ADAM18: variants seen among roughly 807,000 people sequenced by gnomAD.
The protein encoded by ADAM18 is ADAM metallopeptidase domain 18, also known as disintegrin and metalloproteinase domain-containing protein 18.
Under a neutral mutation model 94.4 loss-of-function variants are expected in ADAM18, and 117 were observed. That is an observed-to-expected ratio of 1.24 (90% CI 1.07 to 1.45). The LOEUF is 1.45. ADAM18 is among the 40% of genes most tolerant of loss of function. The probability of loss-of-function intolerance (pLI) is 0.00; values close to 1 mark genes in which losing one functional copy is unlikely to be tolerated. For missense variants in ADAM18, 936 were observed against 880.0 expected, an observed-to-expected ratio of 1.06 and a Z score of -0.81; for synonymous variants, 327 against 291.6, an observed-to-expected ratio of 1.12 and a Z score of -1.24.
chr8:39,636,020 T>G (rs937717736), intron 7 of ADAM18, among the ~76,000 whole-genome samples: 1 of 150,412 alleles, frequency 6.6e-6, no homozygotes, highest in Non-Finnish European at 1.5e-5. Flanking sequence ...TTTTTTTTTT[T>G]TTGAGAGAGA....
intron 7 of ADAM18, among the ~76,000 whole-genome samples, chr8:39,630,867 T>A (rs1193782796): frequency 6.6e-6 from 1 of 151,988 alleles, no homozygotes; most frequent in Non-Finnish European, 1.5e-5. Flanking sequence ...GGTCCAGGAA[T>A]TCTGTATCAT....
intron 16 of ADAM18, among the ~76,000 whole-genome samples, chr8:39,689,098 G>C (rs1821695214): frequency 6.6e-6 from 1 of 151,656 alleles, no homozygotes; most frequent in Non-Finnish European, 1.5e-5. Context: ...TATAGATGCT[G>C]GGTATTATAC....
intron 12 of ADAM18, among the ~76,000 whole-genome samples, chr8:39,651,773 C>A (rs1355310243): frequency 6.6e-6 from 1 of 152,130 alleles, no homozygotes; most frequent in East Asian, 1.9e-4. Flanking sequence ...TTATAAGAAA[C>A]CACATAAGAC....
intron 19 of ADAM18, among the ~76,000 whole-genome samples, chr8:39,726,034 A>G (rs1246646305): frequency 6.6e-6 from 1 of 152,002 alleles, no homozygotes; most frequent in African/African-American, 2.4e-5. Flanking sequence ...CCTTTTTTCA[A>G]TAACAACTAT....
At chr8:39,646,678 A>G (rs909998712) in intron 11 of ADAM18, among the ~76,000 whole-genome samples, 8 of 152,190 alleles carry the variant, frequency 5.3e-5, no homozygotes, top group Non-Finnish European at 2.9e-5. Context: ...TATCACATAC[A>G]GTATATTTGA....
chr8:39,688,652 A>T (rs1372531083), intron 16 of ADAM18, among the ~76,000 whole-genome samples: 1 of 152,132 alleles, frequency 6.6e-6, no homozygotes, highest in Non-Finnish European at 1.5e-5. Context: ...ATTTAAGTTG[A>T]TGCCATGTCT....
chr8:39,626,215 T>C (rs1055057884), intron 6 of ADAM18, among the ~76,000 whole-genome samples: 6 of 152,172 alleles, frequency 3.9e-5, no homozygotes, highest in Non-Finnish European at 8.8e-5. Context: ...GTGTTCATAG[T>C]AGTCTTGGAT....
intron 7 of ADAM18, among the ~76,000 whole-genome samples, chr8:39,636,031 G>C (rs1820067223): frequency 7.0e-6 from 1 of 143,744 alleles, no homozygotes. Context: ...TTGAGAGAGA[G>C]AGAGAGAGAG....
chr8:39,598,339 A>G (rs1818800690), intron 2 of ADAM18, among the ~76,000 whole-genome samples: 1 of 152,186 alleles, frequency 6.6e-6, no homozygotes, highest in African/African-American at 2.4e-5. Flanking sequence ...TTAGCATGAA[A>G]GGGTCTAGTT....
intron 2 of ADAM18, among the ~76,000 whole-genome samples, chr8:39,598,323 C>T (rs2129458214): frequency 6.6e-6 from 1 of 152,082 alleles, no homozygotes; most frequent in South Asian, 2.1e-4. Context: ...TGCCTTGATC[C>T]TGATCTTAGC....
intron 12 of ADAM18, among the ~76,000 whole-genome samples, chr8:39,652,467 G>A (rs1361861939): frequency 6.6e-6 from 1 of 152,100 alleles, no homozygotes; most frequent in Non-Finnish European, 1.5e-5. Flanking sequence ...AATAATCACA[G>A]TAATTCAAAT....
At chr8:39,634,446 G>C (rs1366938499) in intron 7 of ADAM18, among the ~76,000 whole-genome samples, 2 of 152,168 alleles carry the variant, frequency 1.3e-5, no homozygotes, top group Non-Finnish European at 2.9e-5. Flanking sequence ...CGATGTGTGA[G>C]AGCTGAAACA....
intron 10 of ADAM18, among the ~76,000 whole-genome samples, chr8:39,641,514 AGT>A (rs1244586664): frequency 6.6e-6 from 1 of 151,690 alleles, no homozygotes; most frequent in African/African-American, 2.4e-5. Flanking sequence ...GATAGGCTTC[AGT>A]GTGTGTTGTT....
intron 1 of ADAM18, 72 bp downstream of exon 1, chr8:39,584,749 C>T: frequency 6.5e-7 from 1 of 1,546,616 alleles, no homozygotes; most frequent in South Asian, 1.1e-5. Context: ...GGAGCAGTTT[C>T]TTGTCATTCT....
At chr8:39,714,940 T>G (rs1442694731) in intron 18 of ADAM18, among the ~76,000 whole-genome samples, 1 of 152,118 alleles carries the variant, frequency 6.6e-6, no homozygotes, top group Non-Finnish European at 1.5e-5. Flanking sequence ...GAGAATTTAC[T>G]GTATATAATT....
At chr8:39,643,085 G>C (rs1003348651) in intron 10 of ADAM18, among the ~76,000 whole-genome samples, 1 of 152,056 alleles carries the variant, frequency 6.6e-6, no homozygotes, top group African/African-American at 2.4e-5. Flanking sequence ...CTCTTGGCTT[G>C]ATTATTGTTG....
chr8:39,637,677 GC>G lies in ADAM18; in HGVS notation c.805del (p.His269MetfsTer3). The G allele has an allele frequency of 6.2e-7, 1 of 1,609,586 alleles. No homozygotes were observed. Among genetic ancestry groups the G allele is most frequent in the Non-Finnish European group, 8.5e-7 (1 of 1,177,794 alleles). On this transcript the variant is annotated frameshift_variant, in exon 9 of 20. Transcript: ENST00000265707. LOFTEE classifies it high-confidence loss of function. ...AWKRDYLILR[P>X]HDIAYLLVYR... ...GGAAACGGGACTATCTCATCCTACG[GC>G]CCCATGACATAGCATACTTACTTGT... is the stretch of plus-strand genomic sequence containing the variant.
intron 2 of ADAM18, among the ~76,000 whole-genome samples, chr8:39,594,013 T>C (rs7821063): frequency 0.032 from 4,805 of 152,262 alleles, 279 homozygotes; most frequent in African/African-American, 0.11. Context: ...CCATTGGTGT[T>C]ACATCTACCA....
At chr8:39,608,701 A>G (rs371479460) in intron 3 of ADAM18, among the ~76,000 whole-genome samples, 17 of 152,174 alleles carry the variant, frequency 1.1e-4, no homozygotes, top group South Asian at 8.3e-4. Context: ...CACAAAGACT[A>G]AGGCTTTTTG....
Sources: allele counts gnomAD v4.1 joint callset (sites outside exome capture counted in the v4.1 genomes callset), GRCh38; gene constraint gnomAD v4.1.1; transcripts MANE v1.5; gene names NCBI Gene and HGNC (gene_info 2026-07-23, HGNC 2026-07-21).